Variants in GSDMC observed in about 807,000 individuals in gnomAD.
GSDMC encodes gasdermin-C.
In GSDMC, 59 loss-of-function variants were observed where a neutral mutation model predicts 58.0. The observed-to-expected ratio is 1.02, with a 90% CI of 0.82 to 1.26. The LOEUF (loss-of-function observed/expected upper bound fraction) is 1.26. GSDMC is among the 50% of genes most tolerant of loss of function. The pLI, the probability that GSDMC is intolerant of heterozygous loss-of-function variation, is 0.00. For missense variants in GSDMC, 659 were observed against 598.5 expected, an observed-to-expected ratio of 1.10 and a Z score of -1.06; for synonymous variants, 241 against 220.2, an observed-to-expected ratio of 1.09 and a Z score of -0.83.
the GSDMC span, among the ~76,000 whole-genome samples, chr8:129,713,435 T>C: frequency 6.6e-6 from 1 of 152,142 alleles, no homozygotes; most frequent in Non-Finnish European, 1.5e-5. Flanking sequence ...GTCTCAGGAA[T>C]GCAACCTCCA....
chr8:129,780,128 T>C (rs1233319799), intron 1 of GSDMC, among the ~76,000 whole-genome samples: 4 of 151,916 alleles, frequency 2.6e-5, no homozygotes, highest in African/African-American at 9.7e-5. Context: ...ATGTAGAAAA[T>C]AGCCTCAAAA....
chr8:129,763,276 T>C (rs1245591522), intron 4 of GSDMC, among the ~76,000 whole-genome samples: 1 of 151,664 alleles, frequency 6.6e-6, no homozygotes, highest in Non-Finnish European at 1.5e-5. Flanking sequence ...TGACTGGCCA[T>C]AGAATTCTTG....
the GSDMC span, among the ~76,000 whole-genome samples, chr8:129,732,356 C>G: frequency 6.7e-6 from 1 of 150,080 alleles, no homozygotes; most frequent in African/African-American, 2.4e-5. Flanking sequence ...AGACCCTACC[C>G]AGCATTCTCT....
At chr8:129,775,511 C>T (rs932402787) in intron 3 of GSDMC, among the ~76,000 whole-genome samples, 5 of 151,544 alleles carry the variant, frequency 3.3e-5, no homozygotes, top group Admixed American at 6.6e-5. Context: ...TAAACGTTCT[C>T]ACCACAAAAA....
At chr8:129,746,169 G>C (rs779085722), downstream of GSDMC, among the ~76,000 whole-genome samples, 1 of 152,052 alleles carries the variant, frequency 6.6e-6, no homozygotes, top group African/African-American at 2.4e-5. Flanking sequence ...AGAAAACATA[G>C]CTCAAGAAAA....
chr8:129,739,730 A>G, the GSDMC span, among the ~76,000 whole-genome samples: 1 of 152,240 alleles, frequency 6.6e-6, no homozygotes, highest in African/African-American at 2.4e-5. Flanking sequence ...TATCTATAAT[A>G]CAGAATACTT....
At chr8:129,732,288 T>A in the GSDMC span, among the ~76,000 whole-genome samples, 42 of 126,078 alleles carry the variant, frequency 3.3e-4, no homozygotes, top group Admixed American at 7.7e-4. Flanking sequence ...TCTTTATAAA[T>A]TAAAAAAAAA....
chr8:129,741,429 G>T, the GSDMC span, among the ~76,000 whole-genome samples: 1 of 151,972 alleles, frequency 6.6e-6, no homozygotes, highest in Non-Finnish European at 1.5e-5. Flanking sequence ...GATCACTTTG[G>T]GTAGTAGGGA....
chr8:129,776,224 G>A lies in GSDMC; in HGVS notation c.282C>T (p.Asp94=). The change falls in exon 3 of 14, where the codon GAC becomes GAT. Residue 94 remains aspartate (D), a synonymous_variant. Transcript: ENST00000276708. ...CTTCTATACCAACATTCACACCCAT[G>A]TCAGCCTTATGCTTCTGGATCATAA... The part of the protein sequence containing the change: ...SDIMIQKHKA[D]MGVNVGIEVS... 1 of 1,613,698 alleles carries A rather than the reference G, an allele frequency of 6.2e-7. No individual in the cohort carries two copies.
the GSDMC span, among the ~76,000 whole-genome samples, chr8:129,725,700 A>G: frequency 3.2e-4 from 48 of 152,060 alleles, 1 homozygote; most frequent in African/African-American, 1.0e-3. Flanking sequence ...TTGGGCATCA[A>G]CTATGTGCTA....
At chr8:129,779,525 G>C (rs2034348258) in intron 1 of GSDMC, among the ~76,000 whole-genome samples, 1 of 151,798 alleles carries the variant, frequency 6.6e-6, no homozygotes, top group African/African-American at 2.4e-5. Flanking sequence ...CTTAATAACT[G>C]GGTGATAAAA....
chr8:129,738,822 A>G, the GSDMC span, among the ~76,000 whole-genome samples: 1 of 152,168 alleles, frequency 6.6e-6, no homozygotes, highest in Non-Finnish European at 1.5e-5. Flanking sequence ...AAAAAGAAAA[A>G]AAATACTTCT....
At chr8:129,783,112 G>T (rs2034463047) in intron 1 of GSDMC, among the ~76,000 whole-genome samples, 1 of 152,036 alleles carries the variant, frequency 6.6e-6, no homozygotes, top group East Asian at 1.9e-4. Flanking sequence ...AAAACCACGT[G>T]ATCATTTCCA....
Position 129,751,834 on chromosome 8 carries a change from C to T in GSDMC, c.916+28G>A, listed in dbSNP as rs961039240. The T allele has an allele frequency of 3.8e-6, 6 of 1,572,268 alleles. No individual in the cohort carries two copies. In the African/African-American group the frequency reaches 4.1e-5, roughly 11 times the overall value. ...CCATGTGTGCAGGATGGGATCCCCA[C>T]CCCCACCTCCAGCAAACTCACACTC... On this transcript the variant is annotated intron_variant, in intron 9 of 13. Coordinates refer to ENST00000276708, the MANE Select transcript of GSDMC (RefSeq NM_031415.3).
At chr8:129,774,748 T>C (rs2034169537) in intron 3 of GSDMC, among the ~76,000 whole-genome samples, 1 of 152,068 alleles carries the variant, frequency 6.6e-6, no homozygotes, top group Non-Finnish European at 1.5e-5. Context: ...AAAATCTTGA[T>C]TTAGAAAATG....
At chr8:129,754,664 A>G (rs1319084247) in intron 6 of GSDMC, among the ~76,000 whole-genome samples, 1 of 152,254 alleles carries the variant, frequency 6.6e-6, no homozygotes, top group Non-Finnish European at 1.5e-5. Context: ...GATCTTTCAG[A>G]TGAAGAATTC....
chr8:129,785,817 G>C (rs2034540268), intron 1 of GSDMC, among the ~76,000 whole-genome samples, 194 bp downstream of exon 1: 1 of 151,792 alleles, frequency 6.6e-6, no homozygotes, highest in Non-Finnish European at 1.5e-5. Context: ...GTGCAATAAT[G>C]TATCGAAGAT....
At chr8:129,751,791 C>T in intron 9 of GSDMC, 71 bp downstream of exon 9, 2 of 1,461,632 alleles carry the variant, frequency 1.4e-6, no homozygotes, top group Non-Finnish European at 1.9e-6. Flanking sequence ...GAGGCAGGGG[C>T]AATCTGCCCT....
the GSDMC span, among the ~76,000 whole-genome samples, chr8:129,728,190 C>G: frequency 6.6e-6 from 1 of 152,254 alleles, no homozygotes; most frequent in East Asian, 1.9e-4. Context: ...CTCCTCACCC[C>G]TCTTGTGCAG....
Sources: gnomAD v4.1 joint callset for allele counts (sites outside exome capture counted in the v4.1 genomes callset) on GRCh38, gnomAD v4.1.1 for gene constraint, MANE v1.5 for transcripts, NCBI Gene and HGNC (gene_info 2026-07-23, HGNC 2026-07-21) for gene names.